RTP5: variants seen among roughly 807,000 people sequenced by gnomAD.
RTP5 encodes the protein receptor transporter protein 5 (putative), also known as receptor-transporting protein 5.
RTP5 carries 30 observed loss-of-function variants against 23.5 expected under a neutral mutation model. That is an observed-to-expected ratio of 1.27 (90% CI 0.95 to 1.73). The LOEUF (loss-of-function observed/expected upper bound fraction) is 1.73, where lower values mean the gene tolerates loss of function less well. Among genes scored for constraint, RTP5 ranks in the 40% most tolerant of loss-of-function variants. RTP5 has a pLI of 0.00. For synonymous variants in RTP5, 354 were observed against 342.1 expected, an observed-to-expected ratio of 1.03 and a Z score of -0.38; for missense variants, 807 against 784.2, an observed-to-expected ratio of 1.03 and a Z score of -0.35.
Position 241,869,856 on chromosome 2 carries a change from C to T in RTP5, c.100C>T (p.Leu34=), listed in dbSNP as rs1447796061. ...CTGGGTTCTGCTACCTGAGCACAGC[C>T]TGGTCCCGGGATGCCTGGACGGCGG... ...DVWVLLPEHS[L]VPGCLDGGGV... is the part of the protein sequence containing the mutation. The change falls in exon 1 of 2, where the codon CTG becomes TTG. Residue 34 remains leucine (L), a synonymous_variant. Coordinates refer to ENST00000343216, the MANE Select transcript of RTP5 (RefSeq NM_173821.3). The T allele has an allele frequency of 1.3e-6, 2 of 1,589,570 alleles. No homozygotes were observed. Among genetic ancestry groups the T allele is most frequent in the Non-Finnish European group, 1.7e-6 (2 of 1,169,734 alleles).
chr2:241,872,440 C>T lies in RTP5; in HGVS notation c.885C>T (p.Ser295=), dbSNP rs77890376. 2,324 of 1,607,664 alleles carry T rather than the reference C, an allele frequency of 1.4e-3. 28 individuals carry two copies. In the African/African-American group the frequency reaches 0.028, roughly 19 times the overall value. The change falls in exon 2 of 2, where the codon TCC becomes TCT. Residue 295 remains serine, a synonymous_variant. Coordinates refer to ENST00000343216, the MANE Select transcript of RTP5 (RefSeq NM_173821.3). ...GCTTCCTCTTCAAAGGCCGGGGCTC[C>T]CTCTGCAGCCCGGTTGGCGTGGCCC... ...LKGFLFKGRG[S]LCSPVGVAQG...
chr2:241,870,783 C>T (rs1291766713), intron 1 of RTP5, among the ~76,000 whole-genome samples: 3 of 152,242 alleles, frequency 2.0e-5, no homozygotes, highest in Admixed American at 6.5e-5. Context: ...GACGGCTGCC[C>T]CAACATGCAG....
rs755811454 is a variant in RTP5, at chr2:241,872,648, G to A, written c.1093G>A (p.Glu365Lys). The A allele has an allele frequency of 6.3e-7, 1 of 1,584,564 alleles. No homozygotes were observed. Among genetic ancestry groups the A allele is most frequent in the Admixed American group, 1.8e-5 (1 of 55,700 alleles). Residue 365 changes from glutamate (E) to lysine (K), a missense_variant, in exon 2 of 2, where the codon GAG (glutamate) becomes AAG (lysine). By Grantham distance (56) the Glu-to-Lys change is moderately conservative. Transcript: ENST00000343216. ...EPTDGPVATK[E>K]ASITFPFIFT... Reference sequence around the variant, plus strand: ...CACCGATGGCCCTGTGGCCACTAAAGAGGCCTCCATCACCTTCCCCTTCAT... The same window carrying A: ...CACCGATGGCCCTGTGGCCACTAAAAAGGCCTCCATCACCTTCCCCTTCAT...
chr2:241,873,655 A>ACCCCGCCCCCCGCCTCCGAGG lies in RTP5; in HGVS notation c.*401_*402insGCCCCGCCCCCCGCCTCCGAG, dbSNP rs1701380381. 2.9e-5 allele frequency: 1 copy of ACCCCGCCCCCCGCCTCCGAGG among 34,870 alleles called. No homozygotes were observed. The highest frequency in any genetic ancestry group is 1.9e-4 in the African/African-American group (1 of 5,308). The allele number at this position is 34,870 out of a possible 1,614,324, so 2.2% of individuals were successfully genotyped here. A position where few individuals can be genotyped will look rare whatever the true frequency, so the allele number is the denominator to read the frequency against. On this transcript the variant is annotated 3_prime_UTR_variant, in exon 2 of 2. Transcript: ENST00000343216. Reference sequence around the variant, plus strand: ...CGAGGCCCCGCCCCCCGCCTCCGAGACCCCGCCCCCCGCCTCCGAGACCCC... The same window carrying ACCCCGCCCCCCGCCTCCGAGG: ...CGAGGCCCCGCCCCCCGCCTCCGAGACCCCGCCCCCCGCCTCCGAGGCCCCGCCCCCCGCCTCCGAGACCCC...
Position 241,872,082 on chromosome 2 carries a change from G to A in RTP5, c.527G>A (p.Trp176Ter), listed in dbSNP as rs778687546. The A allele has an allele frequency of 2.5e-6, 4 of 1,580,402 alleles. No homozygotes were observed. Among genetic ancestry groups the A allele is most frequent in the Non-Finnish European group, 3.5e-6 (4 of 1,157,812 alleles). ...AAAGGCAACTTCCCCGCCACGGCCT[G>A]GGGTGGCACTGGCACCGTCTCCAGG... The part of the protein sequence containing the change: ...ATKGNFPATA[W>*]GGTGTVSRGK... Residue 176 changes from tryptophan (W) to a stop codon, truncating the protein, a stop_gained, in exon 2 of 2, where the codon TGG becomes TAG. Coordinates refer to ENST00000343216, the MANE Select transcript of RTP5 (RefSeq NM_173821.3). LOFTEE classifies it high-confidence loss of function.
In RTP5 at chr2:241,873,208, C is replaced by G. The variant is rs200039719; in HGVS notation, c.1653C>G (p.Thr551=). Residue 551 remains threonine (T), a synonymous_variant, in exon 2 of 2, where the codon ACC becomes ACG. Transcript: ENST00000343216. ...YEDFWIWVSM[T]VCVFWLMCMC... ...ACTTCTGGATCTGGGTGTCCATGAC[C>G]GTGTGCGTCTTCTGGCTGATGTGCA... 6 of 1,607,586 alleles carry G rather than the reference C, an allele frequency of 3.7e-6. No homozygotes were observed. The highest frequency in any genetic ancestry group is 5.1e-6 in the Non-Finnish European group (6 of 1,179,266).
Position 241,872,707 on chromosome 2 carries a change from G to A in RTP5, c.1152G>A (p.Val384=). ...FTDVKDAVAE[V]AEGNGKEGGG... The stretch of plus-strand genomic sequence containing the variant: ...ATGTCAAGGATGCCGTTGCTGAGGT[G>A]GCTGAAGGCAACGGGAAGGAAGGAG... Residue 384 remains valine (V), a synonymous_variant, in exon 2 of 2, where the codon GTG becomes GTA. Transcript: ENST00000343216. 6.2e-7 allele frequency: 1 copy of A among 1,601,294 alleles called. No individual in the cohort carries two copies. Among genetic ancestry groups the A allele is most frequent in the African/African-American group, 1.3e-5 (1 of 74,616 alleles).
chr2:241,872,116 G>T lies in RTP5; in HGVS notation c.561G>T (p.Pro187=), dbSNP rs114620732. 24,400 of 1,603,656 alleles carry T rather than the reference G, an allele frequency of 0.015. 275 individuals are homozygous for T. The highest frequency in any genetic ancestry group is 0.042 in the South Asian group (3,789 of 90,532). ...GGTGTVSRGK[P]LSTPGDDLGK... ...CTGGCACCGTCTCCAGGGGCAAACC[G>T]CTGTCCACCCCTGGCGACGACCTTG... is the stretch of plus-strand genomic sequence containing the variant. The change falls in exon 2 of 2, where the codon CCG becomes CCT. Residue 187 remains proline (P), a synonymous_variant. Transcript: ENST00000343216.
At position 241,871,783 on chromosome 2, in the gene RTP5, G is replaced by A; in HGVS notation, c.228G>A (p.Trp76Ter). ...AHVHVLFHLW[W>*]DRASHRGLVK... is the part of the protein sequence containing the mutation. ...TGCACGTCCTCTTCCACCTGTGGTGGGACAGGGCCAGCCACCGGGGGCTGG... is the reference window on the plus strand; with the variant it reads ...TGCACGTCCTCTTCCACCTGTGGTGAGACAGGGCCAGCCACCGGGGGCTGG... Residue 76 changes from tryptophan (W) to a stop codon, truncating the protein, a stop_gained, in exon 2 of 2, where the codon TGG becomes TGA. Transcript: ENST00000343216. LOFTEE classifies it low-confidence loss of function (END_TRUNC). The A allele has an allele frequency of 6.3e-7, 1 of 1,590,740 alleles. No individual in the cohort carries two copies. Among genetic ancestry groups the A allele is most frequent in the Admixed American group, 1.8e-5 (1 of 56,398 alleles).
At position 241,872,490 on chromosome 2, in the gene RTP5, A is replaced by T; in HGVS notation, c.935A>T (p.Asn312Ile). 6.3e-7 allele frequency: 1 copy of T among 1,594,618 alleles called. No homozygotes were observed. Among genetic ancestry groups the T allele is most frequent in the Non-Finnish European group, 8.5e-7 (1 of 1,171,198 alleles). ...CAGGGCTGGGGCCCCATCTCCCTCA[A>T]CAATGGCCTCGTCCCTGTGGGGAAA... ...VAQGWGPISL[N>I]NGLVPVGKHT... Residue 312 changes from asparagine to isoleucine, a missense_variant, in exon 2 of 2, where the codon AAC (asparagine) becomes ATC (isoleucine). By Grantham distance (149) the Asn-to-Ile change is moderately radical. Transcript: ENST00000343216.
At position 241,872,333 on chromosome 2, in the gene RTP5, G is replaced by C; in HGVS notation, c.778G>C (p.Gly260Arg). 1 of 1,609,700 alleles carries C rather than the reference G, an allele frequency of 6.2e-7. No homozygotes were observed. Among genetic ancestry groups the C allele is most frequent in the East Asian group, 2.2e-5 (1 of 44,788 alleles). ...GDSVAMPGGK[G>R]FPVAIGDPLF... The stretch of plus-strand genomic sequence containing the variant: ...TTCAGTGGCCATGCCTGGGGGCAAA[G>C]GCTTCCCGGTGGCCATTGGAGACCC... Residue 260 changes from glycine to arginine, a missense_variant, in exon 2 of 2, where the codon GGC (glycine) becomes CGC (arginine). Coordinates refer to ENST00000343216, the MANE Select transcript of RTP5 (RefSeq NM_173821.3).
At position 241,873,244 on chromosome 2, in the gene RTP5, G is replaced by A; in HGVS notation, c.1689G>A (p.Leu563=). 1 of 1,593,854 alleles carries A rather than the reference G, an allele frequency of 6.3e-7. No homozygotes were observed. The highest frequency in any genetic ancestry group is 8.5e-7 in the Non-Finnish European group (1 of 1,174,502). ...TCTGGCTGATGTGCATGTGTCGGCTGAACCCCGGGATCTACCCGCAGCAAG... is the reference window on the plus strand; with the variant it reads ...TCTGGCTGATGTGCATGTGTCGGCTAAACCCCGGGATCTACCCGCAGCAAG... ...CVFWLMCMCR[L]NPGIYPQQV is the part of the protein sequence containing the mutation. Residue 563 remains leucine (L), a synonymous_variant, in exon 2 of 2, where the codon CTG becomes CTA. Transcript: ENST00000343216.
Position 241,869,751 on chromosome 2 carries a change from G to A in RTP5, c.-6G>A, listed in dbSNP as rs369913147. 5.4e-5 allele frequency: 82 copies of A among 1,516,524 alleles called. No individual in the cohort carries two copies. The African/African-American group carries it at 6.3e-4, about 12-fold the overall frequency. The allele number at this position is 1,516,524 out of a possible 1,614,324, so 93.9% of individuals were successfully genotyped here. On this transcript the variant is annotated 5_prime_UTR_variant, in exon 1 of 2. Coordinates refer to ENST00000343216, the MANE Select transcript of RTP5 (RefSeq NM_173821.3). ...CTCAGCCCACACTGCGGAGCCAGGC[G>A]GCAGCATGGACCGGGCTGGGGCAGA...
Position 241,869,774 on chromosome 2 carries a change from A to C in RTP5, c.18A>C (p.Ala6=). 6.5e-7 allele frequency: 1 copy of C among 1,535,700 alleles called. No homozygotes were observed. The highest frequency in any genetic ancestry group is 8.7e-7 in the Non-Finnish European group (1 of 1,143,092). MDRAG[A]DMWASTFTLA... Reference sequence around the variant, plus strand: ...GCGGCAGCATGGACCGGGCTGGGGCAGACATGTGGGCCAGCACCTTCACCC... The same window carrying C: ...GCGGCAGCATGGACCGGGCTGGGGCCGACATGTGGGCCAGCACCTTCACCC... The change falls in exon 1 of 2, where the codon GCA becomes GCC. Residue 6 remains alanine (A), a synonymous_variant. Coordinates refer to ENST00000343216, the MANE Select transcript of RTP5 (RefSeq NM_173821.3).
At chr2:241,871,034 C>T in intron 1 of RTP5, 1 of 471,074 alleles carries the variant, frequency 2.1e-6, no homozygotes, top group Non-Finnish European at 4.4e-6. Flanking sequence ...AGCAAATGGT[C>T]ACCGGTCTGA....
rs1437415287 is a variant in RTP5, at chr2:241,873,313, G to A, written c.*39G>A. 94 of 1,533,564 alleles carry A rather than the reference G, an allele frequency of 6.1e-5. No individual in the cohort carries two copies. Among genetic ancestry groups the A allele is most frequent in the Middle Eastern group, 1.8e-4 (1 of 5,470 alleles). 95.0% of individuals were successfully genotyped at this position (1,533,564 alleles called of 1,614,324 possible). On this transcript the variant is annotated 3_prime_UTR_variant, in exon 2 of 2. Coordinates refer to ENST00000343216, the MANE Select transcript of RTP5 (RefSeq NM_173821.3). The stretch of plus-strand genomic sequence containing the variant: ...AGGCAACCCTCGCCTCTGGGACCCC[G>A]CCTCGCCTCTGAGACACCCCCCAAC...
chr2:241,873,357 G>A lies in RTP5; in HGVS notation c.*83G>A, dbSNP rs561480070. The A allele has an allele frequency of 2.5e-3, 3,183 of 1,266,756 alleles. 7 individuals carry two copies. The highest frequency in any genetic ancestry group is 3.0e-3 in the Non-Finnish European group (3,023 of 1,007,644). 78.5% of individuals were successfully genotyped at this position (1,266,756 alleles called of 1,614,324 possible). A position where few individuals can be genotyped will look rare whatever the true frequency, so the allele number is the denominator to read the frequency against. On this transcript the variant is annotated 3_prime_UTR_variant, in exon 2 of 2. Coordinates refer to ENST00000343216, the MANE Select transcript of RTP5 (RefSeq NM_173821.3). ...CCCCAACCCCGCCTTTGAGATGCCC[G>A]CCCCGCCTCCGAGACCCCGCCTCCA... is the stretch of plus-strand genomic sequence containing the variant.
Position 241,872,099 on chromosome 2 carries a change from G to C in RTP5, c.544G>C (p.Val182Leu). Reference sequence around the variant, plus strand: ...CACGGCCTGGGGTGGCACTGGCACCGTCTCCAGGGGCAAACCGCTGTCCAC... The same window carrying C: ...CACGGCCTGGGGTGGCACTGGCACCCTCTCCAGGGGCAAACCGCTGTCCAC... ...PATAWGGTGT[V>L]SRGKPLSTPG... Residue 182 changes from valine (V) to leucine (L), a missense_variant, in exon 2 of 2, where the codon GTC becomes CTC. By Grantham distance (32) the Val-to-Leu change is conservative (BLOSUM62 1). Transcript: ENST00000343216. 1 of 1,590,248 alleles carries C rather than the reference G, an allele frequency of 6.3e-7. No homozygotes were observed. Among genetic ancestry groups the C allele is most frequent in the Non-Finnish European group, 8.6e-7 (1 of 1,164,382 alleles).
At position 241,873,051 on chromosome 2, in the gene RTP5, G is replaced by T. The variant is rs1434253661; in HGVS notation, c.1496G>T (p.Cys499Phe). The change falls in exon 2 of 2, where the codon TGC becomes TTC. Residue 499 changes from cysteine to phenylalanine, a missense_variant. Physicochemically the swap from Cys to Phe is radical, Grantham distance 205. Coordinates refer to ENST00000343216, the MANE Select transcript of RTP5 (RefSeq NM_173821.3). ...GCCTACGGCCCCCAGGGCAATGGCT[G>T]CTTCTCCCAAGGCTATTACCAGAAG... ...HVAYGPQGNG[C>F]FSQGYYQKRQ... 3 of 1,613,034 alleles carry T rather than the reference G, an allele frequency of 1.9e-6. No individual in the cohort carries two copies. In the South Asian group the frequency reaches 3.3e-5, roughly 18 times the overall value.
Sources: gnomAD v4.1 joint callset for allele counts (sites outside exome capture counted in the v4.1 genomes callset) on GRCh38, gnomAD v4.1.1 for gene constraint, MANE v1.5 for transcripts, NCBI Gene and HGNC (gene_info 2026-07-23, HGNC 2026-07-21) for gene names.